Variants in DVL1 observed in about 807,000 individuals in gnomAD.
DVL1 encodes dishevelled segment polarity protein 1.
A neutral mutation model predicts 65.0 loss-of-function variants in DVL1; 49 were observed. The observed-to-expected ratio is 0.75, with a 90% CI of 0.60 to 0.96. The LOEUF (loss-of-function observed/expected upper bound fraction) is 0.96. Among genes scored for constraint, DVL1 ranks in the 40% least tolerant of loss-of-function variants. The pLI, the probability that DVL1 is intolerant of heterozygous loss-of-function variation, is 0.00. For missense variants in DVL1, 1,197 were observed against 1,045.4 expected (o/e 1.15, Z -2.00); for synonymous variants, 608 against 433.9 (o/e 1.40, Z -4.99).
At chr1:1,341,098 T>G (rs307364) in intron 5 of DVL1, among the ~76,000 whole-genome samples, 128,696 of 147,454 alleles carry the variant, frequency 0.87, 56,316 homozygotes, top group Non-Finnish European at 0.93. Context: ...CAGGCACACC[T>G]GCACACACCT....
chr1:1,338,050 G>C lies in DVL1; in HGVS notation c.1641C>G (p.Pro547=). 4 of 1,611,602 alleles carry C rather than the reference G, an allele frequency of 2.5e-6. No individual in the cohort carries two copies. Among genetic ancestry groups the C allele is most frequent in the Non-Finnish European group, 3.4e-6 (4 of 1,179,504 alleles). ...GGTCCTGGTAGGCAGGCGGGAAGCA[G>C]GGTGGGGGTCCCGGGTACTGGTAGG... ...GYPYQYPGPP[P]CFPPAYQDPG... is the part of the protein sequence containing the mutation. The change falls in exon 14 of 15, where the codon CCC becomes CCG. Residue 547 remains proline (P), a synonymous_variant. Coordinates refer to ENST00000378888, the MANE Select transcript of DVL1 (RefSeq NM_001330311.2).
intron 11 of DVL1, 93 bp downstream of exon 11, chr1:1,339,194 C>G: frequency 6.7e-7 from 1 of 1,494,064 alleles, no homozygotes. Flanking sequence ...TGTCACAGCC[C>G]CATGACGGCC....
At chr1:1,337,201 AC>A in intron 14 of DVL1, 1 of 554,660 alleles carries the variant, frequency 1.8e-6, no homozygotes, top group Non-Finnish European at 2.3e-6. Flanking sequence ...GTCAGTAGAC[AC>A]CCAGCGTGGC....
At chr1:1,339,258 T>G in intron 11 of DVL1, 29 bp downstream of exon 11, 1 of 1,548,230 alleles carries the variant, frequency 6.5e-7, no homozygotes, top group Non-Finnish European at 8.7e-7. Context: ...CCTCGGTTTC[T>G]GCTGGGGCCC....
Position 1,349,014 on chromosome 1 carries a change from G to A in DVL1, c.52C>T (p.Leu18=), listed in dbSNP as rs779045494. 6 of 1,571,772 alleles carry A rather than the reference G, an allele frequency of 3.8e-6. No homozygotes were observed. Among genetic ancestry groups the A allele is most frequent in the Non-Finnish European group, 5.2e-6 (6 of 1,156,608 alleles). Residue 18 remains leucine, a synonymous_variant, in exon 1 of 15, where the codon CTG becomes TTG. Transcript: ENST00000378888. This position sits in a 1 kb window ranked among gnomAD's most constrained non-coding sequence, Gnocchi z 4.1. ...YHMDEEETPY[L]VKLPVAPERV... ...TCGGGGGCCACGGGCAGCTTGACCA[G>A]GTACGGCGTCTCCTCCTCGTCCATG...
At chr1:1,346,371 T>C (rs1290028701) in intron 1 of DVL1, among the ~76,000 whole-genome samples, 1 of 151,962 alleles carries the variant, frequency 6.6e-6, no homozygotes, top group Non-Finnish European at 1.5e-5. Flanking sequence ...CGGTGCCAAG[T>C]CCAGCAGGCC....
chr1:1,349,281 G>A lies in DVL1; in HGVS notation c.-216C>T, dbSNP rs1469864074. ...GACTGCTGCCCCGCGGCCCGCGGCC[G>A]CCCATCCGCCCCCGGCCCGGGAGCG... On this transcript the variant is annotated 5_prime_UTR_variant, in exon 1 of 15. Transcript: ENST00000378888. This position sits in a 1 kb window ranked among gnomAD's most constrained non-coding sequence, Gnocchi z 4.1. The A allele has an allele frequency of 1.3e-5, 2 of 151,196 alleles. No homozygotes were observed. Among genetic ancestry groups the A allele is most frequent in the Admixed American group, 6.8e-5 (1 of 14,668 alleles). The allele number at this position is 151,196 out of a possible 1,614,324, so 9.4% of individuals were successfully genotyped here. A position where few individuals can be genotyped will look rare whatever the true frequency, so the allele number is the denominator to read the frequency against.
intron 14 of DVL1, 111 bp from the exon 15 acceptor site, chr1:1,336,626 G>A (rs750908910): frequency 1.8e-5 from 24 of 1,360,938 alleles, no homozygotes; most frequent in Admixed American, 9.5e-5. Context: ...CGTGCAGGAC[G>A]GGTGGGTGGG....
In DVL1 at chr1:1,342,113, C is replaced by T; in HGVS notation, c.406G>A (p.Gly136Ser). Reference protein sequence around the residue: ...SSRDGMDNETGTESMVSHRRE... With the variant: ...SSRDGMDNETSTESMVSHRRE... Reference sequence around the variant, plus strand: ...CGGTGACTGACCATGGACTCCGTGCCTGTCTCGTTGTCCATCCCGTCACGG... The same window carrying T: ...CGGTGACTGACCATGGACTCCGTGCTTGTCTCGTTGTCCATCCCGTCACGG... The change falls in exon 4 of 15, where the codon GGC (glycine) becomes AGC (serine). Residue 136 changes from glycine to serine, a missense_variant. Transcript: ENST00000378888. 1 of 1,593,806 alleles carries T rather than the reference C, an allele frequency of 6.3e-7. No homozygotes were observed.
intron 1 of DVL1, among the ~76,000 whole-genome samples, chr1:1,345,471 T>C (rs985571709): frequency 3.3e-5 from 5 of 152,160 alleles, no homozygotes; most frequent in African/African-American, 9.7e-5. Flanking sequence ...TGGCCAGGCA[T>C]TGGGGGCGTA....
intron 14 of DVL1, chr1:1,337,070 G>C (rs1333509456): frequency 4.0e-6 from 4 of 988,404 alleles, no homozygotes; most frequent in Non-Finnish European, 4.8e-6. Flanking sequence ...TTTAGCACAA[G>C]ACAAGGGATA....
Position 1,340,309 on chromosome 1 carries a change from G to A in DVL1, c.707C>T (p.Ser236Phe), listed in dbSNP as rs777653519. 11 of 1,613,826 alleles carry A rather than the reference G, an allele frequency of 6.8e-6. No individual in the cohort carries two copies. The highest frequency in any genetic ancestry group is 4.5e-5 in the East Asian group (2 of 44,888). ...QRLRQADRAS[S>F]FSSITDSTMS... ...GGTGGAGTCGGTTATGCTGCTGAAGGAGGAGGCCTATGGAGGAGAGGGGGC... is the reference window on the plus strand; with the variant it reads ...GGTGGAGTCGGTTATGCTGCTGAAGAAGGAGGCCTATGGAGGAGAGGGGGC... Residue 236 changes from serine to phenylalanine, a missense_variant, in exon 7 of 15, where the codon TCC becomes TTC. By Grantham distance (155) the Ser-to-Phe change is radical. Transcript: ENST00000378888.
At position 1,335,759 on chromosome 1, in the gene DVL1, G is replaced by A. The variant is rs111452125; in HGVS notation, c.*383C>T. 4,673 of 223,856 alleles carry A rather than the reference G, an allele frequency of 0.021. 219 individuals carry two copies. Among genetic ancestry groups the A allele is most frequent in the African/African-American group, 0.1 (4,378 of 43,104 alleles). 13.9% of individuals were successfully genotyped at this position (223,856 alleles called of 1,614,324 possible). On this transcript the variant is annotated 3_prime_UTR_variant, in exon 15 of 15. Coordinates refer to ENST00000378888, the MANE Select transcript of DVL1 (RefSeq NM_001330311.2). ...ATAAATAAATTAGATCCCTACTCCA[G>A]ACAGGGGGCCTGTGCACCGCAGGGG...
Position 1,336,170 on chromosome 1 carries a change from G to A in DVL1, c.2060C>T (p.Pro687Leu), listed in dbSNP as rs1258802306. 3.8e-6 allele frequency: 6 copies of A among 1,574,992 alleles called. No homozygotes were observed. In the African/African-American group the frequency reaches 4.0e-5, roughly 11 times the overall value. The change falls in exon 15 of 15, where the codon CCC (proline) becomes CTC (leucine). Residue 687 changes from proline to leucine, a missense_variant. Coordinates refer to ENST00000378888, the MANE Select transcript of DVL1 (RefSeq NM_001330311.2). ...RQSFQKAMGNPCEFFVDIM is the reference protein window; with the variant it reads ...RQSFQKAMGNLCEFFVDIM ...CATGATGTCCACGAAGAACTCGCAG[G>A]GGTTCCCCATAGCCTTCTGGAAGGA...
chr1:1,342,791 G>A, intron 1 of DVL1, 33 bp from the exon 2 acceptor site: 1 of 1,608,850 alleles, frequency 6.2e-7, no homozygotes, highest in Non-Finnish European at 8.5e-7. Flanking sequence ...GGCCCCACCT[G>A]GGGGGCCCAA....
At chr1:1,342,836 G>A (rs924391795) in intron 1 of DVL1, 78 bp from the exon 2 acceptor site, 1 of 1,427,814 alleles carries the variant, frequency 7.0e-7, no homozygotes, top group Admixed American at 1.9e-5. Flanking sequence ...TGGAGAGCAG[G>A]CGCTCCTCCT....
At chr1:1,341,522 G>A (rs567440318) in intron 5 of DVL1, 145 bp downstream of exon 5, 5 of 1,142,492 alleles carry the variant, frequency 4.4e-6, no homozygotes, top group Admixed American at 2.9e-5. Context: ...CGTGCATCAT[G>A]TACACAGACA....
rs1569672327 is a variant in DVL1 at position 1,336,651 on chromosome 1, G to T, written c.1715-136C>A. 5.0e-6 allele frequency: 6 copies of T among 1,197,220 alleles called. 1 individual carries two copies. In the East Asian group the frequency reaches 1.2e-4, roughly 24 times the overall value. 74.2% of individuals were successfully genotyped at this position (1,197,220 alleles called of 1,614,324 possible). ...GGGTGGGTGGGGCAGCCATGCAGGC[G>T]CGAGGACAGGGCCGGCACCCCCAGG... On this transcript the variant is annotated intron_variant, in intron 14 of 14. Transcript: ENST00000378888.
chr1:1,341,391 A>G (rs1357373992), intron 5 of DVL1, among the ~76,000 whole-genome samples: 1 of 152,110 alleles, frequency 6.6e-6, no homozygotes, highest in Non-Finnish European at 1.5e-5. Flanking sequence ...AACGCCTCAC[A>G]CAGACACACA....
Sources: allele counts gnomAD v4.1 joint callset (sites outside exome capture counted in the v4.1 genomes callset), GRCh38; gene constraint gnomAD v4.1.1; non-coding constraint Gnocchi (gnomAD v3.1); transcripts MANE v1.5; gene names NCBI Gene and HGNC (gene_info 2026-07-23, HGNC 2026-07-21).